The following SLC5A9 variants were observed in gnomAD, a reference collection of about 807,000 sequenced individuals.
SLC5A9 encodes sodium/glucose cotransporter 4.
Under a neutral mutation model 70.9 loss-of-function variants are expected in SLC5A9, and 59 were observed. That is an observed-to-expected ratio of 0.83 (90% CI 0.68 to 1.03). The LOEUF (loss-of-function observed/expected upper bound fraction) is 1.03, where lower values mean the gene tolerates loss of function less well. Among genes scored for constraint, SLC5A9 ranks in the 50% least tolerant of loss-of-function variants. The probability of loss-of-function intolerance (pLI) is 0.00; values close to 1 mark genes in which losing one functional copy is unlikely to be tolerated. For synonymous variants in SLC5A9, 340 were observed against 346.5 expected (o/e 0.98, Z 0.21); for missense variants, 832 against 881.1 (o/e 0.94, Z 0.71).
Position 48,229,389 on chromosome 1 carries a change from T to C in SLC5A9, c.434T>C (p.Phe145Ser), listed in dbSNP as rs200014962. ...ATGCCGCAGTATCTGAAGAAGCGATTTGGGGGCCAGAGGATCCAGGTGTAC... is the reference window on the plus strand; with the variant it reads ...ATGCCGCAGTATCTGAAGAAGCGATCTGGGGGCCAGAGGATCCAGGTGTAC... ...VTMPQYLKKR[F>S]GGQRIQVYMS... Residue 145 changes from phenylalanine (F) to serine (S), a missense_variant, in exon 4 of 14, where the codon TTT becomes TCT. Coordinates refer to ENST00000438567, the MANE Select transcript of SLC5A9 (RefSeq NM_001011547.3). 26 of 1,614,112 alleles carry C rather than the reference T, an allele frequency of 1.6e-5. No individual in the cohort carries two copies. The highest frequency in any genetic ancestry group is 2.1e-5 in the Non-Finnish European group (25 of 1,180,028).
intron 2 of SLC5A9, among the ~76,000 whole-genome samples, chr1:48,227,210 A>ATG (rs1444209609): frequency 3.0e-5 from 3 of 101,136 alleles, no homozygotes; most frequent in African/African-American, 1.1e-4. Context: ...GTGTGAGTGC[A>ATG]TGTGTGTGTG....
intron 5 of SLC5A9, among the ~76,000 whole-genome samples, chr1:48,231,123 G>A (rs939931386): frequency 1.3e-5 from 2 of 152,134 alleles, no homozygotes; most frequent in Non-Finnish European, 1.5e-5. Flanking sequence ...GCACAGGGCT[G>A]GGCACCCTGG....
At chr1:48,224,987 C>T (rs1021366168) in intron 2 of SLC5A9, among the ~76,000 whole-genome samples, 192 bp downstream of exon 2, 8 of 151,868 alleles carry the variant, frequency 5.3e-5, no homozygotes, top group African/African-American at 1.9e-4. Context: ...CTAGCACGCA[C>T]CTTGGACAAA....
At chr1:48,230,768 T>C in intron 5 of SLC5A9, 63 bp downstream of exon 5, 3 of 1,238,894 alleles carry the variant, frequency 2.4e-6, no homozygotes, top group South Asian at 2.5e-5. Context: ...AGAGAAAGAC[T>C]GAAGGAGAGA....
At chr1:48,231,484 A>C in intron 5 of SLC5A9, 61 bp from the exon 6 acceptor site, 1 of 1,600,450 alleles carries the variant, frequency 6.2e-7, no homozygotes, top group East Asian at 2.2e-5. Context: ...TGCACAGGGC[A>C]GGCAGCCAGA....
At chr1:48,234,529 T>C (rs569342555) in intron 9 of SLC5A9, among the ~76,000 whole-genome samples, 4 of 151,758 alleles carry the variant, frequency 2.6e-5, no homozygotes, top group Admixed American at 1.3e-4. Flanking sequence ...GCATCAGAGA[T>C]GGAGAGAAGG....
chr1:48,235,995 G>C (rs1644321748), intron 10 of SLC5A9, 116 bp downstream of exon 10: 2 of 1,199,848 alleles, frequency 1.7e-6, no homozygotes, highest in Non-Finnish European at 2.4e-6. Flanking sequence ...AGAGCACCGG[G>C]TTCAAGCTCC....
At chr1:48,236,025 A>T in intron 10 of SLC5A9, 146 bp downstream of exon 10, 1 of 889,576 alleles carries the variant, frequency 1.1e-6, no homozygotes, top group Admixed American at 2.5e-5. Context: ...CATGATTTCA[A>T]GTAAGTCCTT....
chr1:48,246,856 C>T (rs1644465382), intron 13 of SLC5A9, among the ~76,000 whole-genome samples: 1 of 152,230 alleles, frequency 6.6e-6, no homozygotes, highest in South Asian at 2.1e-4. Flanking sequence ...GCCTCACAGT[C>T]AGCTAATGGC....
intron 2 of SLC5A9, among the ~76,000 whole-genome samples, chr1:48,225,181 C>T (rs866561482): frequency 1.3e-5 from 2 of 152,262 alleles, no homozygotes; most frequent in African/African-American, 4.8e-5. Flanking sequence ...AGCCCCTGAC[C>T]ACCAGACAGT....
intron 10 of SLC5A9, among the ~76,000 whole-genome samples, chr1:48,237,476 C>T (rs1557479317): frequency 2.0e-5 from 3 of 152,142 alleles, no homozygotes; most frequent in Admixed American, 6.5e-5. Context: ...TAAGGTTCTT[C>T]AGTTCCAAAA....
Position 48,222,853 on chromosome 1 carries a change from C to T in SLC5A9, c.117C>T (p.Ser39=), listed in dbSNP as rs373831484. 3.7e-5 allele frequency: 60 copies of T among 1,614,092 alleles called. No homozygotes were observed. The highest frequency in any genetic ancestry group is 1.8e-4 in the East Asian group (8 of 44,872). ...TTGGTCTGCACGCCTACGACATCAG[C>T]GTGGTGGTCATCTACTTTGTCTTCG... ...SRVGLHAYDI[S]VVVIYFVFVI... is the part of the protein sequence containing the mutation. The change falls in exon 1 of 14, where the codon AGC becomes AGT. Residue 39 remains serine, a synonymous_variant. Transcript: ENST00000438567.
In SLC5A9 at chr1:48,239,423, G is replaced by C; in HGVS notation, c.1563G>C (p.Arg521Ser). Residue 521 changes from arginine to serine, a missense_variant, in exon 12 of 14, where the codon AGG becomes AGC. Transcript: ENST00000438567. This position sits in a 1 kb window ranked among gnomAD's most constrained non-coding sequence, Gnocchi z 4.2. Reference sequence around the variant, plus strand: ...CAGCCTGTGGGGAGGTGGACCGGAGGCCAGCAGTGCTGAAGGACTTCCACT... The same window carrying C: ...CAGCCTGTGGGGAGGTGGACCGGAGCCCAGCAGTGCTGAAGGACTTCCACT... ...PAPACGEVDR[R>S]PAVLKDFHYL... The C allele has an allele frequency of 6.2e-7, 1 of 1,614,180 alleles. No individual in the cohort carries two copies. The highest frequency in any genetic ancestry group is 8.5e-7 in the Non-Finnish European group (1 of 1,180,028).
chr1:48,224,194 C>G (rs1644111545), intron 1 of SLC5A9, among the ~76,000 whole-genome samples: 1 of 152,156 alleles, frequency 6.6e-6, no homozygotes, highest in Non-Finnish European at 1.5e-5. Context: ...GGATGGGGCT[C>G]AGTGGCGTGA....
chr1:48,223,677 G>T (rs1420074785), intron 1 of SLC5A9, among the ~76,000 whole-genome samples: 2 of 152,094 alleles, frequency 1.3e-5, no homozygotes, highest in East Asian at 1.9e-4. Flanking sequence ...GTCCCAGATG[G>T]TCACTTCCTA....
intron 2 of SLC5A9, chr1:48,228,606 T>G: frequency 1.8e-6 from 1 of 546,462 alleles, no homozygotes. Context: ...ACTTCACCAT[T>G]TACTCACTGG....
intron 13 of SLC5A9, among the ~76,000 whole-genome samples, chr1:48,244,868 ATGTGTATGTG>A (rs1644438521): frequency 1.3e-4 from 3 of 22,262 alleles, no homozygotes; most frequent in South Asian, 2.6e-3. Context: ...GTGTGTATGT[ATGTGTATGTG>A]TATATATATA....
chr1:48,236,828 T>C (rs1644333567), intron 10 of SLC5A9, among the ~76,000 whole-genome samples: 1 of 152,142 alleles, frequency 6.6e-6, no homozygotes, highest in Non-Finnish European at 1.5e-5. Context: ...CATTGCAGGA[T>C]CTGAGTGCAG....
In SLC5A9 at chr1:48,229,271, T is replaced by C. The variant is rs1198741288; in HGVS notation, c.340-24T>C. On this transcript the variant is annotated intron_variant, in intron 3 of 13. Transcript: ENST00000438567. ...TGTCTACATCCAGGACCTGGATACCTTCTTCTTCTCCCCACTCTCCCAGGC... is the reference window on the plus strand; with the variant it reads ...TGTCTACATCCAGGACCTGGATACCCTCTTCTTCTCCCCACTCTCCCAGGC... 1.9e-6 allele frequency: 3 copies of C among 1,613,838 alleles called. No individual in the cohort carries two copies. In the African/African-American group the frequency reaches 4.0e-5, roughly 22 times the overall value.
Sources: allele counts gnomAD v4.1 joint callset (sites outside exome capture counted in the v4.1 genomes callset), GRCh38; gene constraint gnomAD v4.1.1; non-coding constraint Gnocchi (gnomAD v3.1); transcripts MANE v1.5; gene names NCBI Gene and HGNC (gene_info 2026-07-23, HGNC 2026-07-21).